The following SS18 variants were observed in gnomAD, a reference collection of about 807,000 sequenced individuals.
The protein encoded by SS18 is SS18 subunit of BAF chromatin remodeling complex, also known as protein SSXT.
A neutral mutation model predicts 72.5 loss-of-function variants in SS18; 28 were observed. That is an observed-to-expected ratio of 0.39 (90% CI 0.29 to 0.53). SS18 has a LOEUF of 0.53. Among genes scored for constraint, SS18 ranks in the 20% least tolerant of loss-of-function variants. The pLI is 0.76. For synonymous variants in SS18, 172 were observed against 164.2 expected (o/e 1.05, Z -0.37); for missense variants, 518 against 535.3 (o/e 0.97, Z 0.32).
intron 5 of SS18, among the ~76,000 whole-genome samples, chr18:26,048,579 G>A (rs975030399): frequency 3.9e-5 from 6 of 152,090 alleles, no homozygotes; most frequent in Non-Finnish European, 8.8e-5. Flanking sequence ...AATAATAAGA[G>A]AAAACAATCT....
intron 3 of SS18, among the ~76,000 whole-genome samples, chr18:26,065,702 A>C (rs893237538): frequency 2.7e-5 from 4 of 150,692 alleles, no homozygotes; most frequent in Non-Finnish European, 5.9e-5. Flanking sequence ...GACACCACAG[A>C]GAATAAAAAG....
At chr18:26,074,284 T>G (rs2054368856) in intron 3 of SS18, among the ~76,000 whole-genome samples, 1 of 151,462 alleles carries the variant, frequency 6.6e-6, no homozygotes, top group Admixed American at 6.6e-5. Context: ...AATGATACAA[T>G]TTAAGATTCC....
intron 10 of SS18, among the ~76,000 whole-genome samples, chr18:26,027,302 T>C (rs1598528305): frequency 6.6e-6 from 1 of 152,006 alleles, no homozygotes; most frequent in Non-Finnish European, 1.5e-5. Context: ...AACAGACACA[T>C]GTTTATGGAC....
Position 26,018,229 on chromosome 18 carries a change from T to C in SS18, c.*125A>G, listed in dbSNP as rs923647049. ...GGCTGCTTACTGATGAAACAGCCAC[T>C]TATCCACAAGGTTTTTCCAAAAACT... On this transcript the variant is annotated 3_prime_UTR_variant, in exon 11 of 11. Transcript: ENST00000415083. 2 of 765,440 alleles carry C rather than the reference T, an allele frequency of 2.6e-6. No homozygotes were observed. Among genetic ancestry groups the C allele is most frequent in the Non-Finnish European group, 4.2e-6 (2 of 472,914 alleles). The allele number at this position is 765,440 out of a possible 1,614,324, so 47.4% of individuals were successfully genotyped here. A position where few individuals can be genotyped will look rare whatever the true frequency, so the allele number is the denominator to read the frequency against.
rs190831580 is a variant in SS18, at chr18:26,030,270, T to C, written c.1230+2129A>G. Among the ~76,000 whole-genome samples the C allele has an allele frequency of 2.1e-3, 323 of 152,346 alleles. 3 individuals carry two copies. The highest frequency in any genetic ancestry group is 6.8e-3 in the Middle Eastern group (2 of 294). On this transcript the variant is annotated intron_variant, in intron 10 of 10. Coordinates refer to ENST00000415083, the MANE Select transcript of SS18 (RefSeq NM_001007559.3). ...TACTGAACTACACACGGTTTAACAC[T>C]AGTCCCTTTGTGAATGCTCTTCTTT...
At chr18:26,028,907 G>C (rs549910314) in intron 10 of SS18, among the ~76,000 whole-genome samples, 72 of 152,236 alleles carry the variant, frequency 4.7e-4, no homozygotes, top group Admixed American at 1.6e-3. Flanking sequence ...CAGTTTAATG[G>C]TATATAAATT....
chr18:26,042,655 T>G (rs1050662196), intron 5 of SS18, among the ~76,000 whole-genome samples: 3 of 149,658 alleles, frequency 2.0e-5, no homozygotes, highest in African/African-American at 7.6e-5. Flanking sequence ...AAAAAAAGAA[T>G]TTTCTTTTGA....
At chr18:26,087,456 C>A in intron 2 of SS18, 45 bp downstream of exon 2, 2 of 1,074,198 alleles carry the variant, frequency 1.9e-6, no homozygotes, top group South Asian at 1.4e-5. Flanking sequence ...AAAAATTAAC[C>A]AATACAAAAA....
intron 10 of SS18, among the ~76,000 whole-genome samples, chr18:26,021,806 G>A (rs1314127028): frequency 1.3e-5 from 2 of 152,174 alleles, no homozygotes; most frequent in Non-Finnish European, 2.9e-5. Flanking sequence ...CTTTGATAAA[G>A]AACACAGAAA....
chr18:26,071,791 A>G (rs1010043627), intron 3 of SS18, among the ~76,000 whole-genome samples: 2 of 152,068 alleles, frequency 1.3e-5, no homozygotes, highest in Non-Finnish European at 2.9e-5. Flanking sequence ...TCATGCCCCT[A>G]TGCTCTGGCC....
intron 5 of SS18, among the ~76,000 whole-genome samples, chr18:26,048,343 C>T (rs1280868805): frequency 6.6e-6 from 1 of 152,146 alleles, no homozygotes; most frequent in Non-Finnish European, 1.5e-5. Context: ...AGACTAGACA[C>T]ATCTATCAAA....
intron 10 of SS18, among the ~76,000 whole-genome samples, chr18:26,027,671 TAAAAAAAAAAAAAAAAAAAA>T (rs68048813): frequency 1.1e-4 from 3 of 27,292 alleles, no homozygotes; most frequent in East Asian, 8.9e-4. Flanking sequence ...GAGACTCATC[TAAAAAAAAAAAAAAAAAAAA>T]AAAAAAAAAA....
intron 9 of SS18, 59 bp downstream of exon 9, chr18:26,034,946 T>C (rs1056519808): frequency 4.5e-6 from 7 of 1,565,330 alleles, no homozygotes; most frequent in African/African-American, 2.7e-5. Flanking sequence ...TCCACTTCCA[T>C]ATTTTAAAAC....
intron 4 of SS18, 75 bp from the exon 5 acceptor site, chr18:26,052,920 T>A: frequency 7.8e-7 from 1 of 1,274,054 alleles, no homozygotes; most frequent in East Asian, 2.3e-5. Context: ...TGGAAATAAT[T>A]TTTTTTTTGC....
chr18:26,089,366 T>C (rs2054673548), intron 1 of SS18, among the ~76,000 whole-genome samples: 1 of 152,218 alleles, frequency 6.6e-6, no homozygotes, highest in African/African-American at 2.4e-5. Context: ...GCACTGCATT[T>C]CCAGGCACTG....
chr18:26,022,466 T>C (rs1402970749), intron 10 of SS18, among the ~76,000 whole-genome samples: 1 of 151,112 alleles, frequency 6.6e-6, no homozygotes, highest in African/African-American at 2.4e-5. Flanking sequence ...ACAAAGCATA[T>C]GATAATCATA....
At chr18:26,062,513 A>C (rs1193523801) in intron 3 of SS18, among the ~76,000 whole-genome samples, 1 of 152,174 alleles carries the variant, frequency 6.6e-6, no homozygotes, top group Non-Finnish European at 1.5e-5. Context: ...AATAGAAAAA[A>C]AATACCTGCC....
intron 6 of SS18, 24 bp downstream of exon 6, chr18:26,039,265 C>T (rs745967960): frequency 6.5e-7 from 1 of 1,534,706 alleles, no homozygotes; most frequent in Non-Finnish European, 8.8e-7. Flanking sequence ...CATTAAGTAG[C>T]AAATTTTCCA....
chr18:26,066,102 T>C (rs1238607629), intron 3 of SS18, among the ~76,000 whole-genome samples: 2 of 152,016 alleles, frequency 1.3e-5, no homozygotes, highest in Admixed American at 6.6e-5. Context: ...TATTCTTCCT[T>C]CATAACACTT....
Sources: gnomAD v4.1 joint callset for allele counts (sites outside exome capture counted in the v4.1 genomes callset) on GRCh38, gnomAD v4.1.1 for gene constraint, MANE v1.5 for transcripts, NCBI Gene and HGNC (gene_info 2026-07-23, HGNC 2026-07-21) for gene names.